The following SNX21 variants were observed in gnomAD, a reference collection of about 807,000 sequenced individuals.
SNX21 encodes sorting nexin family member 21, also known as sorting nexin-21.
SNX21 carries 36 observed loss-of-function variants against 30.9 expected under a neutral mutation model. That is an observed-to-expected ratio of 1.16 (90% CI 0.89 to 1.54). The LOEUF (loss-of-function observed/expected upper bound fraction) is 1.54. Among genes scored for constraint, SNX21 ranks in the 40% most tolerant of loss-of-function variants. The pLI is 0.00. For synonymous variants in SNX21, 218 were observed against 222.7 expected (o/e 0.98, Z 0.19); for missense variants, 508 against 516.5 (o/e 0.98, Z 0.16).
intron 3 of SNX21, among the ~76,000 whole-genome samples, chr20:45,839,455 G>A (rs980043985): frequency 7.2e-5 from 11 of 152,060 alleles, no homozygotes; most frequent in African/African-American, 2.7e-4. Flanking sequence ...GGCGGAGCTT[G>A]CAGTGAGCCG....
At position 45,842,181 on chromosome 20, in the gene SNX21, G is replaced by A; in HGVS notation, c.*868G>A. The A allele has an allele frequency of 2.0e-6, 3 of 1,499,802 alleles. No homozygotes were observed. The highest frequency in any genetic ancestry group is 2.7e-6 in the Non-Finnish European group (3 of 1,131,628). The allele number at this position is 1,499,802 out of a possible 1,614,324, so 92.9% of individuals were successfully genotyped here. On this transcript the variant is annotated 3_prime_UTR_variant, in exon 4 of 4. Transcript: ENST00000491381. ...TGCAAAGGGTCTGGCCCAGGGCAGG[G>A]CTGCCCCACACAAGGGTGCACTGAG...
intron 3 of SNX21, 35 bp from the exon 4 acceptor site, chr20:45,840,604 A>G (rs1983986187): frequency 6.2e-7 from 1 of 1,614,054 alleles, no homozygotes; most frequent in Non-Finnish European, 8.5e-7. Context: ...CCCGTGGACA[A>G]CTTGCATTTG....
chr20:45,840,672 C>A lies in SNX21; in HGVS notation c.481C>A (p.Pro161Thr), dbSNP rs746620437. 1.9e-6 allele frequency: 3 copies of A among 1,614,060 alleles called. No homozygotes were observed. Among genetic ancestry groups the A allele is most frequent in the Middle Eastern group, 1.6e-4 (1 of 6,084 alleles). ...CCTCGCCGTGATCGGCCCAGGACCGCCAGATTGCCAGCCAGCCCAGATCTC... is the reference window on the plus strand; with the variant it reads ...CCTCGCCGTGATCGGCCCAGGACCGACAGATTGCCAGCCAGCCCAGATCTC... ...YTLAVIGPGP[P>T]DCQPAQISRR... The change falls in exon 4 of 4, where the codon CCA becomes ACA. Residue 161 changes from proline (P) to threonine (T), a missense_variant. By Grantham distance (38) the Pro-to-Thr change is conservative. Transcript: ENST00000491381.
At position 45,841,369 on chromosome 20, in the gene SNX21, GA is replaced by G; in HGVS notation, c.*58del. ...AGAGGGGTTGCCCCAGAAGGCAGGG[GA>G]AGGACCTGATGAGAACAGAATAGCT... On this transcript the variant is annotated 3_prime_UTR_variant, in exon 4 of 4. Transcript: ENST00000491381. 1 of 1,514,342 alleles carries G rather than the reference GA, an allele frequency of 6.6e-7. No individual in the cohort carries two copies. Among genetic ancestry groups the G allele is most frequent in the Middle Eastern group, 1.8e-4 (1 of 5,594 alleles). The allele number at this position is 1,514,342 out of a possible 1,614,324, so 93.8% of individuals were successfully genotyped here. A position where few individuals can be genotyped will look rare whatever the true frequency, so the allele number is the denominator to read the frequency against.
chr20:45,841,462 A>T lies in SNX21; in HGVS notation c.*149A>T. The T allele has an allele frequency of 2.1e-6, 3 of 1,416,074 alleles. No homozygotes were observed. The Admixed American group carries it at 9.6e-5, about 45-fold the overall frequency. 87.7% of individuals were successfully genotyped at this position (1,416,074 alleles called of 1,614,324 possible). A position where few individuals can be genotyped will look rare whatever the true frequency, so the allele number is the denominator to read the frequency against. On this transcript the variant is annotated 3_prime_UTR_variant, in exon 4 of 4. Transcript: ENST00000491381. ...AAGAGAATGTGAAGCAGATCAAGGA[A>T]ACTTCTGTTGAGCTAGGCTCAGGGT...
At chr20:45,834,048 G>C (rs1206273729) in intron 1 of SNX21, 108 bp downstream of exon 1, 17 of 1,412,032 alleles carry the variant, frequency 1.2e-5, no homozygotes, top group African/African-American at 1.5e-5. Context: ...ATGCTGGCTG[G>C]GTCCCCTGGT....
rs750397157 is a variant in SNX21 at position 45,840,949 on chromosome 20, C to T, written c.758C>T (p.Thr253Ile). Residue 253 changes from threonine (T) to isoleucine (I), a missense_variant, in exon 4 of 4, where the codon ACT (threonine) becomes ATT (isoleucine). Physicochemically the swap from Thr to Ile is moderately conservative, Grantham distance 89 (BLOSUM62 -1). Transcript: ENST00000491381. ...ELRRAQSLTC[T>I]GLYREALALW... ...CGGCGGGCACAGAGCCTCACCTGTA[C>T]TGGCCTCTATCGTGAGGCTCTGGCA... The T allele has an allele frequency of 1.9e-6, 3 of 1,611,128 alleles. No homozygotes were observed. The South Asian group carries it at 3.3e-5, about 18-fold the overall frequency.
At chr20:45,834,170 T>G (rs759869259) in intron 1 of SNX21, 31 bp from the exon 2 acceptor site, 3 of 1,462,792 alleles carry the variant, frequency 2.1e-6, no homozygotes, top group Non-Finnish European at 2.7e-6. Context: ...TCCTCCGGGA[T>G]CCGGTACACA....
Position 45,841,258 on chromosome 20 carries a change from C to A in SNX21, c.1067C>A (p.Thr356Asn). The change falls in exon 4 of 4, where the codon ACC (threonine) becomes AAC (asparagine). Residue 356 changes from threonine (T) to asparagine (N), a missense_variant. By Grantham distance (65) the Thr-to-Asn change is moderately conservative. Transcript: ENST00000491381. ...RLQALQEAGL[T>N]PTPPPSLKEL... The stretch of plus-strand genomic sequence containing the variant: ...CAAGCCCTGCAGGAGGCAGGCCTTA[C>A]CCCCACACCACCCCCCAGTCTCAAA... 2 of 1,601,920 alleles carry A rather than the reference C, an allele frequency of 1.2e-6. No individual in the cohort carries two copies. The highest frequency in any genetic ancestry group is 1.7e-6 in the Non-Finnish European group (2 of 1,175,312).
rs140016680 is a variant in SNX21 at position 45,842,577 on chromosome 20, CTT to C, written c.*1266_*1267del. The C allele has an allele frequency of 0.038, 37,782 of 995,076 alleles. 814 individuals are homozygous for C. Among genetic ancestry groups the C allele is most frequent in the Non-Finnish European group, 0.041 (34,522 of 835,836 alleles). The allele number at this position is 995,076 out of a possible 1,614,324, so 61.6% of individuals were successfully genotyped here. On this transcript the variant is annotated 3_prime_UTR_variant, in exon 4 of 4. Transcript: ENST00000491381. ...CCTCTTCCCTCCCCATCTGGAGACT[CTT>C]TCTCCCTTGCTGGCTTTGGGCCCAA...
chr20:45,842,335 G>T lies in SNX21; in HGVS notation c.*1022G>T. ...ACACCTCTCCTCGCTTCCTCAAAAA[G>T]ATCACAGAGGGAGGAGCTCTGAGAA... On this transcript the variant is annotated 3_prime_UTR_variant, in exon 4 of 4. Transcript: ENST00000491381. 1 of 1,387,080 alleles carries T rather than the reference G, an allele frequency of 7.2e-7. No individual in the cohort carries two copies. The highest frequency in any genetic ancestry group is 9.3e-7 in the Non-Finnish European group (1 of 1,073,398). 85.9% of individuals were successfully genotyped at this position (1,387,080 alleles called of 1,614,324 possible).
At chr20:45,836,669 G>A (rs1983574629) in intron 3 of SNX21, among the ~76,000 whole-genome samples, 2 of 152,038 alleles carry the variant, frequency 1.3e-5, no homozygotes, top group African/African-American at 4.8e-5. Context: ...TGTGGCCAAT[G>A]ATGAAGTCTG....
At chr20:45,837,757 T>A (rs1983663349) in intron 3 of SNX21, among the ~76,000 whole-genome samples, 2 of 151,006 alleles carry the variant, frequency 1.3e-5, no homozygotes, top group Non-Finnish European at 3.0e-5. Flanking sequence ...AATGAACCTA[T>A]TTTTTTTTCT....
chr20:45,835,222 A>G (rs910136653), intron 3 of SNX21, 106 bp downstream of exon 3: 27 of 1,282,662 alleles, frequency 2.1e-5, no homozygotes, highest in South Asian at 1.0e-4. Flanking sequence ...ATAAATGGTT[A>G]CCTTGTTTAC....
chr20:45,834,271 C>T lies in SNX21; in HGVS notation c.92C>T (p.Ala31Val), dbSNP rs755795299. 6 of 1,584,310 alleles carry T rather than the reference C, an allele frequency of 3.8e-6. No homozygotes were observed. In the African/African-American group the frequency reaches 6.7e-5, roughly 18 times the overall value. The change falls in exon 2 of 4, where the codon GCG (alanine) becomes GTG (valine). Residue 31 changes from alanine to valine, a missense_variant. Physicochemically the swap from Ala to Val is moderately conservative, Grantham distance 64. Transcript: ENST00000491381. ...ALAGDGPGEA[A>V]ASPEAEQFPE... ...GCCGGCGACGGCCCCGGGGAGGCGG[C>T]GGCCAGTCCAGAGGCCGAGCAGTTT...
In SNX21 at chr20:45,833,844, G is replaced by A. The variant is rs1983219114; in HGVS notation, c.-76G>A. ...CTCTGAGCGGCCTGAGCCCGGCGGA[G>A]CCCTGCAGAACCCGGCCGACCTCCA... is the stretch of plus-strand genomic sequence containing the variant. On this transcript the variant is annotated 5_prime_UTR_variant, in exon 1 of 4. Transcript: ENST00000491381. The A allele has an allele frequency of 2.4e-6, 3 of 1,264,604 alleles. No homozygotes were observed. The highest frequency in any genetic ancestry group is 3.0e-6 in the Non-Finnish European group (3 of 997,186). 78.3% of individuals were successfully genotyped at this position (1,264,604 alleles called of 1,614,324 possible).
chr20:45,842,680 T>C lies in SNX21; in HGVS notation c.*1367T>C, dbSNP rs899257838. Reference sequence around the variant, plus strand: ...TCACTCAGTTCTCACAGTAGCCAAATGAAGCAGTTATGTGTTGTCCAGTTT... The same window carrying C: ...TCACTCAGTTCTCACAGTAGCCAAACGAAGCAGTTATGTGTTGTCCAGTTT... On this transcript the variant is annotated 3_prime_UTR_variant, in exon 4 of 4. Coordinates refer to ENST00000491381, the MANE Select transcript of SNX21 (RefSeq NM_033421.4). 1.0e-6 allele frequency: 1 copy of C among 989,268 alleles called. No homozygotes were observed. The allele number at this position is 989,268 out of a possible 1,614,324, so 61.3% of individuals were successfully genotyped here.
rs1241946522 is a variant in SNX21 at position 45,843,233 on chromosome 20, G to A, written c.*1920G>A. ...AGATGAGGAAACTGAGGTTCAGATG[G>A]AAGATATGATTTGCCTATTGTAATA... On this transcript the variant is annotated 3_prime_UTR_variant, in exon 4 of 4. Coordinates refer to ENST00000491381, the MANE Select transcript of SNX21 (RefSeq NM_033421.4). 2.4e-5 allele frequency: 13 copies of A among 548,656 alleles called. No individual in the cohort carries two copies. In the Middle Eastern group the frequency reaches 1.7e-3, roughly 74 times the overall value. 34.0% of individuals were successfully genotyped at this position (548,656 alleles called of 1,614,324 possible). A position where few individuals can be genotyped will look rare whatever the true frequency, so the allele number is the denominator to read the frequency against.
In SNX21 at chr20:45,843,168, G is replaced by A. The variant is rs550624009; in HGVS notation, c.*1855G>A. ...CCCAAATGGCAGTCTGATGGACTGC[G>A]GGTTTGGATACCACTGCTGTAATGT... On this transcript the variant is annotated 3_prime_UTR_variant, in exon 4 of 4. Transcript: ENST00000491381. 66 of 561,286 alleles carry A rather than the reference G, an allele frequency of 1.2e-4. No homozygotes were observed. Among genetic ancestry groups the A allele is most frequent in the African/African-American group, 1.1e-3 (55 of 50,808 alleles). 34.8% of individuals were successfully genotyped at this position (561,286 alleles called of 1,614,324 possible). A position where few individuals can be genotyped will look rare whatever the true frequency, so the allele number is the denominator to read the frequency against.
Sources: allele counts gnomAD v4.1 joint callset (sites outside exome capture counted in the v4.1 genomes callset), GRCh38; gene constraint gnomAD v4.1.1; transcripts MANE v1.5; gene names NCBI Gene and HGNC (gene_info 2026-07-23, HGNC 2026-07-21).